LYPD6B: variants seen among roughly 807,000 people sequenced by gnomAD.
LYPD6B encodes LY6/PLAUR domain containing 6B.
LYPD6B carries 17 observed loss-of-function variants against 22.8 expected under a neutral mutation model. The ratio of observed to expected loss-of-function variants is 0.75; its 90% CI spans 0.51 to 1.12. The LOEUF is 1.12. Among genes scored for constraint, LYPD6B ranks in the 50% most tolerant of loss-of-function variants. The pLI, the probability that LYPD6B is intolerant of heterozygous loss-of-function variation, is 0.00. For synonymous variants in LYPD6B, 106 were observed against 91.6 expected, an observed-to-expected ratio of 1.16 and a Z score of -0.90; for missense variants, 221 against 258.3, an observed-to-expected ratio of 0.86 and a Z score of 0.99.
intron 1 of LYPD6B, among the ~76,000 whole-genome samples, chr2:149,041,519 G>A (rs1323233593): frequency 6.6e-6 from 1 of 152,208 alleles, no homozygotes; most frequent in African/African-American, 2.4e-5. Context: ...ATTTTCCGGA[G>A]CTGTAGGAGG....
chr2:149,045,650 G>A (rs914953490), intron 1 of LYPD6B, among the ~76,000 whole-genome samples: 6 of 151,934 alleles, frequency 3.9e-5, no homozygotes, highest in African/African-American at 4.8e-5. Flanking sequence ...TTATTGACCC[G>A]TATGTTATTT....
chr2:149,169,631 C>T (rs1690683919), intron 3 of LYPD6B, among the ~76,000 whole-genome samples: 1 of 127,636 alleles, frequency 7.8e-6, no homozygotes, highest in Non-Finnish European at 1.8e-5. Flanking sequence ...AGTTACAAAT[C>T]TCTTCTCTTC....
chr2:149,168,835 G>T (rs1690616202), intron 3 of LYPD6B, among the ~76,000 whole-genome samples: 1 of 152,086 alleles, frequency 6.6e-6, no homozygotes, highest in Non-Finnish European at 1.5e-5. Flanking sequence ...TCAAGTGTGT[G>T]GTCAAGTCTT....
intron 3 of LYPD6B, among the ~76,000 whole-genome samples, chr2:149,161,191 G>A (rs1308848994): frequency 6.6e-6 from 1 of 152,140 alleles, no homozygotes; most frequent in African/African-American, 2.4e-5. Context: ...GGGGTGTGGA[G>A]CAATGTTCAA....
At chr2:149,057,480 T>C (rs2105308306) in intron 1 of LYPD6B, among the ~76,000 whole-genome samples, 1 of 152,250 alleles carries the variant, frequency 6.6e-6, no homozygotes, top group South Asian at 2.1e-4. Flanking sequence ...TCACATTGTT[T>C]ACTGCATATG....
intron 1 of LYPD6B, among the ~76,000 whole-genome samples, chr2:149,119,617 G>A (rs1489424221): frequency 6.6e-6 from 1 of 152,200 alleles, no homozygotes; most frequent in South Asian, 2.1e-4. Flanking sequence ...GTAGGCACCA[G>A]CAGCAAGAGC....
intron 3 of LYPD6B, among the ~76,000 whole-genome samples, chr2:149,166,594 C>T (rs1559046157): frequency 2.6e-5 from 4 of 152,116 alleles, no homozygotes; most frequent in Admixed American, 2.6e-4. Context: ...GGCTGTCTAG[C>T]ATCTTATCTC....
chr2:149,146,758 G>A (rs1171401791), intron 2 of LYPD6B, among the ~76,000 whole-genome samples: 1 of 151,806 alleles, frequency 6.6e-6, no homozygotes, highest in African/African-American at 2.4e-5. Flanking sequence ...AGCAACTCCA[G>A]GAGAATTCCG....
intron 2 of LYPD6B, among the ~76,000 whole-genome samples, chr2:149,152,884 A>C (rs1689464361): frequency 6.6e-6 from 1 of 152,202 alleles, no homozygotes; most frequent in African/African-American, 2.4e-5. Context: ...TGGGCAACAA[A>C]AGTGGGGTAG....
chr2:149,144,829 T>C (rs1432188509), intron 2 of LYPD6B, among the ~76,000 whole-genome samples: 2 of 152,238 alleles, frequency 1.3e-5, no homozygotes, highest in Non-Finnish European at 2.9e-5. Context: ...GCTTTTCCAC[T>C]TGACGTGCCT....
intron 1 of LYPD6B, among the ~76,000 whole-genome samples, chr2:149,071,463 A>G (rs1228221537): frequency 1.3e-5 from 2 of 152,226 alleles, no homozygotes; most frequent in African/African-American, 4.8e-5. Context: ...TCAAATAATT[A>G]TTAAAAACCT....
In LYPD6B at chr2:149,215,188, C is replaced by T. The variant is rs537371389; in HGVS notation, c.*478C>T. 1 of 155,148 alleles carries T rather than the reference C, an allele frequency of 6.4e-6. No homozygotes were observed. Among genetic ancestry groups the T allele is most frequent in the Admixed American group, 6.4e-5 (1 of 15,714 alleles). 9.6% of individuals were successfully genotyped at this position (155,148 alleles called of 1,614,324 possible). On this transcript the variant is annotated 3_prime_UTR_variant, in exon 7 of 7. Transcript: ENST00000409642. ...GAGAAAGGCAACTGTACGAAGAAAA[C>T]TTCCAGTGGAACTAATATGAAATCT...
intron 1 of LYPD6B, among the ~76,000 whole-genome samples, chr2:149,098,643 A>AAAAAAAAAAAAAAG (rs57783804): frequency 1.1e-4 from 15 of 130,946 alleles, no homozygotes; most frequent in Admixed American, 2.4e-4. Flanking sequence ...AAAAAAAAAA[A>AAAAAAAAAAAAAAG]AAAAAAGAAA....
intron 1 of LYPD6B, among the ~76,000 whole-genome samples, chr2:149,129,545 TC>T (rs1687899387): frequency 1.3e-5 from 2 of 152,248 alleles, no homozygotes; most frequent in Admixed American, 6.5e-5. Context: ...GTGGATTTCC[TC>T]CTCGTGGTTT....
At position 149,172,073 on chromosome 2, in the gene LYPD6B, C is replaced by G. The variant is rs532694045; in HGVS notation, c.77+11238C>G. 2.0e-5 allele frequency among the ~76,000 whole-genome samples: 3 copies of G among 152,286 alleles called. No individual in the cohort carries two copies. The South Asian group carries it at 6.2e-4, about 32-fold the overall frequency. ...AAAGGAAAGAGGTTTAATTGACTCA[C>G]AGTTCAGCATGGCTGGGGAGGCCTC... is the stretch of plus-strand genomic sequence containing the variant. On this transcript the variant is annotated intron_variant, in intron 3 of 6. Transcript: ENST00000409642.
rs1378008292 is a variant in LYPD6B, at chr2:149,106,468, T to C, written c.-66-24415T>C. On this transcript the variant is annotated intron_variant, in intron 1 of 6. Coordinates refer to ENST00000409642, the MANE Select transcript of LYPD6B (RefSeq NM_177964.5). ...AATTGCTCTAATAGATGTAGGGCTATTCAAAGGTTGCCAGTTTTTCTTGAG... is the reference window on the plus strand; with the variant it reads ...AATTGCTCTAATAGATGTAGGGCTACTCAAAGGTTGCCAGTTTTTCTTGAG... 2.0e-5 allele frequency among the ~76,000 whole-genome samples: 3 copies of C among 152,196 alleles called. 1 individual carries two copies. The highest frequency in any genetic ancestry group is 2.0e-4 in the Admixed American group (3 of 15,272).
intron 1 of LYPD6B, among the ~76,000 whole-genome samples, chr2:149,073,052 A>G (rs1001935096): frequency 2.0e-5 from 3 of 152,164 alleles, no homozygotes; most frequent in Admixed American, 6.5e-5. Flanking sequence ...AGCAGGGGGA[A>G]TGGTAAGAGG....
intron 2 of LYPD6B, among the ~76,000 whole-genome samples, chr2:149,160,257 G>T (rs1689970759): frequency 6.6e-6 from 1 of 152,142 alleles, no homozygotes; most frequent in African/African-American, 2.4e-5. Flanking sequence ...AAACATTCCA[G>T]TTCCCTCCCA....
intron 4 of LYPD6B, chr2:149,206,126 A>G (rs1219654926): frequency 1.8e-5 from 7 of 381,890 alleles, no homozygotes; most frequent in Non-Finnish European, 3.2e-5. Flanking sequence ...GAAGAGTATC[A>G]GAATCATGAT....
Sources: allele counts gnomAD v4.1 joint callset (sites outside exome capture counted in the v4.1 genomes callset), GRCh38; gene constraint gnomAD v4.1.1; transcripts MANE v1.5; gene names NCBI Gene and HGNC (gene_info 2026-07-23, HGNC 2026-07-21).